SH3RF3: variants seen among roughly 807,000 people sequenced by gnomAD.
SH3RF3 encodes the protein SH3 domain containing ring finger 3.
In SH3RF3, 29 loss-of-function variants were observed where a neutral mutation model predicts 66.3. That is an observed-to-expected ratio of 0.44 (90% CI 0.33 to 0.60). The LOEUF (loss-of-function observed/expected upper bound fraction) is 0.60, where lower values mean the gene tolerates loss of function less well. Ranked by LOEUF, SH3RF3 falls within the 20% of genes least tolerant of loss-of-function variation. The pLI, the probability that SH3RF3 is intolerant of heterozygous loss-of-function variation, is 0.04. For missense variants in SH3RF3, 1,194 were observed against 1,190.9 expected (o/e 1.00, Z -0.04); for synonymous variants, 583 against 532.0 (o/e 1.10, Z -1.32).
chr2:109,312,287 G>A (rs187581732), intron 1 of SH3RF3, among the ~76,000 whole-genome samples: 3 of 152,272 alleles, frequency 2.0e-5, no homozygotes, highest in African/African-American at 7.2e-5. Context: ...CTTTTCTTGT[G>A]AATGAGCTTC....
At chr2:109,174,122 C>T (rs1198992881) in intron 1 of SH3RF3, among the ~76,000 whole-genome samples, 1 of 152,244 alleles carries the variant, frequency 6.6e-6, no homozygotes, top group Admixed American at 6.5e-5. Flanking sequence ...GACAGCAGGG[C>T]TGTGCCATAG....
chr2:109,323,319 A>C (rs1682073652), intron 1 of SH3RF3, among the ~76,000 whole-genome samples: 1 of 152,232 alleles, frequency 6.6e-6, no homozygotes, highest in Admixed American at 6.5e-5. Flanking sequence ...GGTGACACAG[A>C]GGAAGACAAA....
intron 3 of SH3RF3, among the ~76,000 whole-genome samples, chr2:109,397,872 T>C (rs906203885): frequency 2.0e-5 from 3 of 152,244 alleles, no homozygotes; most frequent in Admixed American, 6.5e-5. Flanking sequence ...GATCAGACTT[T>C]CGTCAAACTC....
At chr2:109,421,153 G>T (rs1676865448) in intron 5 of SH3RF3, among the ~76,000 whole-genome samples, 1 of 152,176 alleles carries the variant, frequency 6.6e-6, no homozygotes, top group Non-Finnish European at 1.5e-5. Context: ...TTGAAGAATT[G>T]GATGCAGGAT....
At chr2:109,139,413 G>C (rs375323185) in intron 1 of SH3RF3, among the ~76,000 whole-genome samples, 3 of 152,212 alleles carry the variant, frequency 2.0e-5, no homozygotes, top group East Asian at 3.9e-4. Context: ...AGTATGAAAG[G>C]TGAATGCTCT....
At chr2:109,462,024 A>G (rs143780808) in intron 8 of SH3RF3, among the ~76,000 whole-genome samples, 1 of 151,976 alleles carries the variant, frequency 6.6e-6, no homozygotes, top group East Asian at 1.9e-4. Context: ...CACACCACCA[A>G]ACCCCTAGAA....
chr2:109,321,182 T>G (rs1682018797), intron 1 of SH3RF3, among the ~76,000 whole-genome samples: 1 of 152,272 alleles, frequency 6.6e-6, no homozygotes, highest in South Asian at 2.1e-4. Flanking sequence ...TTTGCAGCTC[T>G]TCACATTCTT....
At chr2:109,253,904 C>T (rs1680155085) in intron 1 of SH3RF3, among the ~76,000 whole-genome samples, 1 of 152,090 alleles carries the variant, frequency 6.6e-6, no homozygotes. Context: ...TTTCTTCTTT[C>T]TAAAAGCATG....
At chr2:109,163,366 A>G (rs1397180410) in intron 1 of SH3RF3, among the ~76,000 whole-genome samples, 1 of 150,280 alleles carries the variant, frequency 6.7e-6, no homozygotes, top group Non-Finnish European at 1.5e-5. Flanking sequence ...GGAGTTCTCA[A>G]TAGATTAACC....
intron 1 of SH3RF3, among the ~76,000 whole-genome samples, chr2:109,292,037 G>T (rs1445746893): frequency 6.6e-6 from 1 of 152,044 alleles, no homozygotes; most frequent in African/African-American, 2.4e-5. Context: ...CTAATTTTTT[G>T]TATTTTTAGT....
rs377117030 is a variant in SH3RF3, at chr2:109,445,816, C to T, written c.1829-3354C>T. 1.8e-4 allele frequency among the ~76,000 whole-genome samples: 27 copies of T among 152,142 alleles called. No homozygotes were observed. The East Asian group carries it at 5.2e-3, about 29-fold the overall frequency. On this transcript the variant is annotated intron_variant, in intron 7 of 9. Transcript: ENST00000309415. ...ATCCCTGAAGTGGGAAGCGATACCC[C>T]TGAAAATAAGGAAAGGACAAAGCTG...
At chr2:109,199,592 T>TTAACC (rs1678604085) in intron 1 of SH3RF3, among the ~76,000 whole-genome samples, 4 of 136 alleles carry the variant, frequency 0.029, no homozygotes, top group African/African-American at 0.031. Context: ...TGGAATGGAA[T>TTAACC]GGAATGGAAT....
chr2:109,217,454 A>G (rs1679125666), intron 1 of SH3RF3, among the ~76,000 whole-genome samples: 1 of 152,196 alleles, frequency 6.6e-6, no homozygotes, highest in Admixed American at 6.5e-5. Context: ...CTCCAGGTTT[A>G]TGGCCACGAT....
At chr2:109,174,450 G>A (rs1283016045) in intron 1 of SH3RF3, among the ~76,000 whole-genome samples, 1 of 152,190 alleles carries the variant, frequency 6.6e-6, no homozygotes, top group Non-Finnish European at 1.5e-5. Flanking sequence ...CCAGAGTGGT[G>A]CCCTGATCAG....
chr2:109,453,411 A>G (rs918791027), intron 8 of SH3RF3, among the ~76,000 whole-genome samples: 3 of 152,200 alleles, frequency 2.0e-5, no homozygotes, highest in African/African-American at 7.2e-5. Context: ...CAACCATGGA[A>G]CACTGCCTAT....
chr2:109,332,966 C>T (rs745605791), intron 1 of SH3RF3, among the ~76,000 whole-genome samples: 4 of 152,226 alleles, frequency 2.6e-5, no homozygotes. Flanking sequence ...GTGGTCCCAA[C>T]ATCAGCAGGA....
At chr2:109,412,169 C>G (rs530791575) in intron 4 of SH3RF3, among the ~76,000 whole-genome samples, 18 of 152,368 alleles carry the variant, frequency 1.2e-4, no homozygotes, top group African/African-American at 4.1e-4. Context: ...GTCCACGATG[C>G]GTGTGCTCCG....
chr2:109,365,245 T>G (rs2105649290), intron 2 of SH3RF3, among the ~76,000 whole-genome samples: 1 of 152,300 alleles, frequency 6.6e-6, no homozygotes, highest in South Asian at 2.1e-4. Flanking sequence ...GTGGAGCTGC[T>G]CCTTGAGGCA....
chr2:109,476,764 C>T (rs1229037170), intron 8 of SH3RF3, among the ~76,000 whole-genome samples: 1 of 152,180 alleles, frequency 6.6e-6, no homozygotes, highest in African/African-American at 2.4e-5. Context: ...GACAGCAGCC[C>T]TGAGGGCTGC....
Sources: gnomAD v4.1 joint callset for allele counts (sites outside exome capture counted in the v4.1 genomes callset) on GRCh38, gnomAD v4.1.1 for gene constraint, MANE v1.5 for transcripts, NCBI Gene and HGNC (gene_info 2026-07-23, HGNC 2026-07-21) for gene names.